WDR17: variants seen among roughly 807,000 people sequenced by gnomAD.
WDR17 encodes the protein WD repeat-containing protein 17.
In WDR17, 143 loss-of-function variants were observed where a neutral mutation model predicts 161.7. The ratio of observed to expected loss-of-function variants is 0.88; its 90% CI spans 0.77 to 1.02. The LOEUF is 1.02. Among genes scored for constraint, WDR17 ranks in the 50% least tolerant of loss-of-function variants. WDR17 has a pLI of 0.00. For synonymous variants in WDR17, 517 were observed against 515.6 expected (o/e 1.00, Z -0.04); for missense variants, 1,469 against 1,520.9 (o/e 0.97, Z 0.57).
chr4:176,172,548 T>C (rs375296913), intron 24 of WDR17, 32 bp downstream of exon 24: 106 of 1,514,140 alleles, frequency 7.0e-5, no homozygotes, highest in Non-Finnish European at 9.2e-5. Flanking sequence ...GAATTTTAAA[T>C]ATACTCATTT....
intron 1 of WDR17, among the ~76,000 whole-genome samples, chr4:176,084,165 C>A (rs1218319464): frequency 6.6e-6 from 1 of 152,044 alleles, no homozygotes; most frequent in East Asian, 1.9e-4. Flanking sequence ...GCTATAAAGG[C>A]ATGCCCAAGG....
rs527917962 is a variant in WDR17, at chr4:176,084,772, T to TTA, written c.-7+18706_-7+18707dup. On this transcript the variant is annotated intron_variant, in intron 1 of 28. Transcript: ENST00000508596. Reference sequence around the variant, plus strand: ...CGAGATTATATATATATATTATATATTATATATATATATAAAATATATATA... The same window carrying TTA: ...CGAGATTATATATATATATTATATATTATATATATATATATAAAATATATATA... Among the ~76,000 whole-genome samples, 702 of 146,514 alleles carry TTA rather than the reference T, an allele frequency of 4.8e-3. 6 individuals are homozygous for TTA. Among genetic ancestry groups the TTA allele is most frequent in the African/African-American group, 0.013 (541 of 40,402 alleles).
chr4:176,116,190 G>A (rs965697883), intron 3 of WDR17, among the ~76,000 whole-genome samples: 5 of 151,348 alleles, frequency 3.3e-5, no homozygotes, highest in East Asian at 1.9e-4. Context: ...ACATATGATC[G>A]ACTAAAAACA....
intron 28 of WDR17, among the ~76,000 whole-genome samples, chr4:176,178,706 A>G (rs1311283883): frequency 1.3e-5 from 2 of 152,252 alleles, no homozygotes; most frequent in Non-Finnish European, 1.5e-5. Context: ...ACATACTCCT[A>G]TGATGAGCTT....
At chr4:176,156,653 T>G (rs1579214854) in intron 18 of WDR17, among the ~76,000 whole-genome samples, 1 of 149,082 alleles carries the variant, frequency 6.7e-6, no homozygotes, top group African/African-American at 2.5e-5. Context: ...TTTTCTCAAG[T>G]GGGCTAGTTT....
At position 176,128,761 on chromosome 4, in the gene WDR17, A is replaced by G; in HGVS notation, c.814A>G (p.Ile272Val). 6.2e-7 allele frequency: 1 copy of G among 1,603,552 alleles called. No homozygotes were observed. The highest frequency in any genetic ancestry group is 8.5e-7 in the Non-Finnish European group (1 of 1,176,468). ...TGDSQVGVLR[I>V]WNVSRTTPID... ...AGATTCTCAAGTGGGTGTTTTACGC[A>G]TTTGGAATGTTTCAAGAACAACACC... Residue 272 changes from isoleucine (I) to valine (V), a missense_variant, in exon 6 of 29, where the codon ATT (isoleucine) becomes GTT (valine). Ile to Val is a conservative substitution (Grantham distance 29). Transcript: ENST00000508596.
chr4:176,073,519 A>C (rs1025157243), intron 1 of WDR17, among the ~76,000 whole-genome samples: 4 of 151,436 alleles, frequency 2.6e-5, no homozygotes, highest in African/African-American at 9.7e-5. Flanking sequence ...GGACATTTGG[A>C]TTGGTTCCAA....
chr4:176,100,759 T>A (rs1437271125), intron 1 of WDR17, among the ~76,000 whole-genome samples: 2 of 152,114 alleles, frequency 1.3e-5, no homozygotes, highest in African/African-American at 4.8e-5. Flanking sequence ...TTGTTTTTTT[T>A]AATATGGTGA....
At chr4:176,166,369 T>C (rs749617186) in intron 22 of WDR17, among the ~76,000 whole-genome samples, 7 of 152,158 alleles carry the variant, frequency 4.6e-5, no homozygotes, top group Non-Finnish European at 7.4e-5. Flanking sequence ...AGTTGTACAA[T>C]AAATGAACTG....
At chr4:176,155,545 GT>G (rs869207103) in intron 17 of WDR17, among the ~76,000 whole-genome samples, 1,849 of 105,224 alleles carry the variant, frequency 0.018, 38 homozygotes, top group Non-Finnish European at 0.026. Context: ...ATTTGTTTGT[GT>G]TTTTTTTTTT....
chr4:176,091,189 G>A (rs1736076577), intron 1 of WDR17, among the ~76,000 whole-genome samples: 1 of 152,152 alleles, frequency 6.6e-6, no homozygotes, highest in Non-Finnish European at 1.5e-5. Context: ...AACAGCTGCA[G>A]AATACACATT....
At chr4:176,076,295 T>G (rs1734009944) in intron 1 of WDR17, among the ~76,000 whole-genome samples, 1 of 143,252 alleles carries the variant, frequency 7.0e-6, no homozygotes. Flanking sequence ...GCAAAATATG[T>G]GTATCTGTAT....
At chr4:176,076,538 T>C (rs1734059986) in intron 1 of WDR17, among the ~76,000 whole-genome samples, 1 of 151,648 alleles carries the variant, frequency 6.6e-6, no homozygotes, top group African/African-American at 2.4e-5. Flanking sequence ...TACTGTATCT[T>C]TCAATTTCTC....
chr4:176,175,533 C>T (rs1229886331), intron 26 of WDR17, among the ~76,000 whole-genome samples: 1 of 103,014 alleles, frequency 9.7e-6, no homozygotes, highest in Admixed American at 1.2e-4. Context: ...GTTAAGCAGT[C>T]TTTTATTTGT....
intron 1 of WDR17, among the ~76,000 whole-genome samples, chr4:176,099,283 C>T (rs1167409469): frequency 6.6e-6 from 1 of 152,126 alleles, no homozygotes; most frequent in African/African-American, 2.4e-5. Flanking sequence ...CAGAGAATTG[C>T]AACTTACCAG....
chr4:176,170,098 T>G (rs1440392051), intron 23 of WDR17, among the ~76,000 whole-genome samples: 1 of 152,174 alleles, frequency 6.6e-6, no homozygotes, highest in East Asian at 1.9e-4. Context: ...TTGTCTAAGC[T>G]TTAAGACTTA....
At chr4:176,156,971 A>G (rs993423935) in intron 18 of WDR17, among the ~76,000 whole-genome samples, 2 of 152,062 alleles carry the variant, frequency 1.3e-5, no homozygotes, top group African/African-American at 4.8e-5. Context: ...CATGAGTCAT[A>G]TTGGATTGAG....
At chr4:176,102,889 A>G (rs777039810) in intron 1 of WDR17, among the ~76,000 whole-genome samples, 2 of 152,218 alleles carry the variant, frequency 1.3e-5, no homozygotes, top group African/African-American at 2.4e-5. Context: ...CCCAGGGCAG[A>G]CAAGTGAGCA....
At chr4:176,094,255 G>A (rs1211505885) in intron 1 of WDR17, among the ~76,000 whole-genome samples, 1 of 152,100 alleles carries the variant, frequency 6.6e-6, no homozygotes, top group Admixed American at 6.6e-5. Flanking sequence ...ACTGTCACTA[G>A]GTGACCAACT....
Sources: gnomAD v4.1 joint callset for allele counts (sites outside exome capture counted in the v4.1 genomes callset) on GRCh38, gnomAD v4.1.1 for gene constraint, MANE v1.5 for transcripts, NCBI Gene and HGNC (gene_info 2026-07-23, HGNC 2026-07-21) for gene names.